MARCHF4: variants seen among roughly 807,000 people sequenced by gnomAD.
MARCHF4 encodes E3 ubiquitin-protein ligase MARCHF4.
In MARCHF4, 14 loss-of-function variants were observed where a neutral mutation model predicts 43.9. The observed-to-expected ratio is 0.32, with a 90% confidence interval of 0.21 to 0.50. MARCHF4 has a LOEUF of 0.50. MARCHF4 is among the 20% of genes least tolerant of loss of function. The pLI, the probability that MARCHF4 is intolerant of heterozygous loss-of-function variation, is 0.98. For missense variants in MARCHF4, 468 were observed against 536.7 expected, an observed-to-expected ratio of 0.87 and a Z score of 1.27; for synonymous variants, 226 against 213.3, an observed-to-expected ratio of 1.06 and a Z score of -0.52.
At chr2:216,354,410 C>A (rs1427888324) in intron 1 of MARCHF4, among the ~76,000 whole-genome samples, 2 of 152,180 alleles carry the variant, frequency 1.3e-5, no homozygotes, top group Non-Finnish European at 2.9e-5. Flanking sequence ...ACGTGGGGTC[C>A]TTCTCCAGCT....
In MARCHF4 at chr2:216,336,742, T is replaced by TAAAA. The variant is rs58031229; in HGVS notation, c.516+32999_516+33002dup. Among the ~76,000 whole-genome samples the TAAAA allele has an allele frequency of 8.4e-3, 468 of 55,586 alleles. 23 individuals carry two copies. The highest frequency in any genetic ancestry group is 0.028 in the Admixed American group (98 of 3,556). 36.5% of individuals were successfully genotyped at this position (55,586 alleles called of 152,430 possible). Reference sequence around the variant, plus strand: ...GGCAAATGGGAAAGGCAAATAGATTTAAAAAAAAAAAAAAAAAAAAAAAAA... The same window carrying TAAAA: ...GGCAAATGGGAAAGGCAAATAGATTTAAAAAAAAAAAAAAAAAAAAAAAAAAAAA... On this transcript the variant is annotated intron_variant, in intron 1 of 3. Transcript: ENST00000273067.
chr2:216,292,044 T>C (rs556366004), intron 1 of MARCHF4, among the ~76,000 whole-genome samples: 1 of 152,378 alleles, frequency 6.6e-6, no homozygotes, highest in Admixed American at 6.5e-5. Flanking sequence ...CTGGCTCCCC[T>C]GTTATCATAT....
At chr2:216,364,203 C>T (rs1197963253) in intron 1 of MARCHF4, among the ~76,000 whole-genome samples, 4 of 152,068 alleles carry the variant, frequency 2.6e-5, no homozygotes, top group African/African-American at 9.7e-5. Flanking sequence ...TTTGACACCG[C>T]TTTTTTCCTA....
At chr2:216,342,157 A>T (rs1421397381) in intron 1 of MARCHF4, among the ~76,000 whole-genome samples, 1 of 152,200 alleles carries the variant, frequency 6.6e-6, no homozygotes, top group Non-Finnish European at 1.5e-5. Context: ...AGGCCAAAGA[A>T]AATGTATCTT....
rs1290117066 is a variant in MARCHF4 at position 216,259,345 on chromosome 2, G to T, written c.1200C>A (p.Ser400Arg). 1.9e-6 allele frequency: 3 copies of T among 1,574,502 alleles called. No individual in the cohort carries two copies. Among genetic ancestry groups the T allele is most frequent in the East Asian group, 2.3e-5 (1 of 44,374 alleles). ...PHEQRSPPGSSRELVMRVTTV is the reference protein window; with the variant it reads ...PHEQRSPPGSRRELVMRVTTV ...TCGTGACTCTCATGACCAGCTCTCGGCTGCTGCCTGGGGGACTTCGCTGTT... is the reference window on the plus strand; with the variant it reads ...TCGTGACTCTCATGACCAGCTCTCGTCTGCTGCCTGGGGGACTTCGCTGTT... Residue 400 changes from serine (S) to arginine (R), a missense_variant, in exon 4 of 4, where the codon AGC becomes AGA. By Grantham distance (110) the Ser-to-Arg change is moderately radical. Transcript: ENST00000273067.
chr2:216,305,336 T>C (rs947281189), intron 1 of MARCHF4, among the ~76,000 whole-genome samples: 2 of 152,304 alleles, frequency 1.3e-5, no homozygotes, highest in Non-Finnish European at 2.9e-5. Context: ...AAGGTTCAAG[T>C]GTACCAGGTC....
intron 1 of MARCHF4, among the ~76,000 whole-genome samples, chr2:216,343,556 C>T (rs1692265790): frequency 6.6e-6 from 1 of 152,136 alleles, no homozygotes; most frequent in Non-Finnish European, 1.5e-5. Flanking sequence ...AACATTTAGT[C>T]CATAATAGCG....
Position 216,371,915 on chromosome 2 carries a change from G to C in MARCHF4, c.-1655C>G, listed in dbSNP as rs1315497461. The C allele has an allele frequency of 6.6e-6, 1 of 151,740 alleles. No individual in the cohort carries two copies. Among genetic ancestry groups the C allele is most frequent in the Non-Finnish European group, 1.5e-5 (1 of 67,918 alleles). 9.4% of individuals were successfully genotyped at this position (151,740 alleles called of 1,614,324 possible). A position where few individuals can be genotyped will look rare whatever the true frequency, so the allele number is the denominator to read the frequency against. On this transcript the variant is annotated 5_prime_UTR_variant, in exon 1 of 4. Transcript: ENST00000273067. Reference sequence around the variant, plus strand: ...CCCTTCCTCCTCTCCACCGCCTCTGGCTGGCTAGGCTCGCTGTTGCTACCT... The same window carrying C: ...CCCTTCCTCCTCTCCACCGCCTCTGCCTGGCTAGGCTCGCTGTTGCTACCT...
At chr2:216,318,120 T>G (rs1691813037) in intron 1 of MARCHF4, 1 of 152,246 alleles carries the variant, frequency 6.6e-6, no homozygotes, top group Non-Finnish European at 1.5e-5. Context: ...CAGAGTTGCC[T>G]TCATGTCTTT....
At chr2:216,332,382 ACT>A (rs985257618) in intron 1 of MARCHF4, among the ~76,000 whole-genome samples, 3 of 149,726 alleles carry the variant, frequency 2.0e-5, no homozygotes, top group Admixed American at 6.7e-5. Flanking sequence ...ACAGAGCAAG[ACT>A]CTGTCTAAAA....
At chr2:216,319,803 C>T (rs1403635238) in intron 1 of MARCHF4, among the ~76,000 whole-genome samples, 2 of 152,172 alleles carry the variant, frequency 1.3e-5, no homozygotes, top group Admixed American at 6.5e-5. Context: ...CAAACTGCCT[C>T]CTTCCACAAG....
intron 1 of MARCHF4, among the ~76,000 whole-genome samples, chr2:216,339,176 A>T (rs1452564036): frequency 1.3e-5 from 2 of 152,214 alleles, no homozygotes; most frequent in Non-Finnish European, 2.9e-5. Flanking sequence ...AGACCTAGTC[A>T]CCAATCCCCC....
At chr2:216,343,350 C>CT (rs1559104037) in intron 1 of MARCHF4, among the ~76,000 whole-genome samples, 1 of 152,206 alleles carries the variant, frequency 6.6e-6, no homozygotes, top group Admixed American at 6.5e-5. Context: ...CAGCTTCCCT[C>CT]TTGCTGTATT....
At chr2:216,316,610 T>C (rs1041908090) in intron 1 of MARCHF4, among the ~76,000 whole-genome samples, 2 of 151,818 alleles carry the variant, frequency 1.3e-5, no homozygotes, top group Non-Finnish European at 2.9e-5. Context: ...CACAAAAAAA[T>C]AGATACACCC....
At chr2:216,327,857 A>T (rs1692019925) in intron 1 of MARCHF4, among the ~76,000 whole-genome samples, 1 of 152,166 alleles carries the variant, frequency 6.6e-6, no homozygotes, top group Non-Finnish European at 1.5e-5. Context: ...AACCAGATCT[A>T]CAGGTTTTCT....
intron 1 of MARCHF4, among the ~76,000 whole-genome samples, chr2:216,322,536 T>C (rs1047419271): frequency 1.3e-5 from 2 of 152,192 alleles, no homozygotes; most frequent in Non-Finnish European, 2.9e-5. Flanking sequence ...TAAGAACTGG[T>C]CTCGGCCAGG....
At chr2:216,264,431 C>G (rs1206001830) in intron 3 of MARCHF4, among the ~76,000 whole-genome samples, 1 of 152,240 alleles carries the variant, frequency 6.6e-6, no homozygotes. Flanking sequence ...CAACTCCCAT[C>G]ATCTCTGCCA....
chr2:216,364,061 T>G (rs1692628977), intron 1 of MARCHF4, among the ~76,000 whole-genome samples: 1 of 152,176 alleles, frequency 6.6e-6, no homozygotes, highest in Admixed American at 6.5e-5. Flanking sequence ...TAAGGTAGCC[T>G]ATAAGATCTT....
intron 1 of MARCHF4, chr2:216,318,173 C>T (rs1691814390): frequency 1.3e-5 from 2 of 152,182 alleles, no homozygotes; most frequent in South Asian, 4.1e-4. Flanking sequence ...CTAAGTTTTC[C>T]TTACCTTGGC....
Sources: allele counts gnomAD v4.1 joint callset (sites outside exome capture counted in the v4.1 genomes callset), GRCh38; gene constraint gnomAD v4.1.1; transcripts MANE v1.5; gene names NCBI Gene and HGNC (gene_info 2026-07-23, HGNC 2026-07-21).